The following ASTN1 variants were observed in gnomAD, a reference collection of about 807,000 sequenced individuals.
ASTN1 encodes the protein astrotactin 1.
A neutral mutation model predicts 140.7 loss-of-function variants in ASTN1; 41 were observed. That is an observed-to-expected ratio of 0.29 (90% CI 0.23 to 0.38). The LOEUF (loss-of-function observed/expected upper bound fraction) is 0.38. ASTN1 is among the 10% of genes least tolerant of loss of function. The probability of loss-of-function intolerance (pLI) is 1.00; values close to 1 mark genes in which losing one functional copy is unlikely to be tolerated. For missense variants in ASTN1, 1,479 were observed against 1,678.8 expected (o/e 0.88, Z 2.08); for synonymous variants, 640 against 652.2 (o/e 0.98, Z 0.29).
At chr1:177,025,801 A>G (rs1676079496) in intron 5 of ASTN1, among the ~76,000 whole-genome samples, 1 of 152,200 alleles carries the variant, frequency 6.6e-6, no homozygotes, top group Admixed American at 6.5e-5. Flanking sequence ...CCTTGTGGCA[A>G]TTAACACTTA....
chr1:177,135,613 G>A (rs991430455), intron 1 of ASTN1, among the ~76,000 whole-genome samples: 12 of 152,246 alleles, frequency 7.9e-5, no homozygotes, highest in Admixed American at 1.3e-4. Context: ...TGGGGGGTAC[G>A]GGAAGAGGGG....
intron 1 of ASTN1, among the ~76,000 whole-genome samples, chr1:177,116,108 C>T (rs1681079542): frequency 1.3e-5 from 2 of 152,104 alleles, no homozygotes; most frequent in Admixed American, 1.3e-4. Context: ...AAGTTCTCAT[C>T]CCATCTGACC....
At chr1:176,898,867 AAAAT>A (rs1180698788) in intron 16 of ASTN1, among the ~76,000 whole-genome samples, 1 of 152,224 alleles carries the variant, frequency 6.6e-6, no homozygotes, top group African/African-American at 2.4e-5. Context: ...GTCTTTTAGC[AAAAT>A]AAATATTCTA....
At chr1:176,971,452 G>C (rs1673136364) in intron 8 of ASTN1, among the ~76,000 whole-genome samples, 2 of 152,158 alleles carry the variant, frequency 1.3e-5, no homozygotes, top group East Asian at 1.9e-4. Flanking sequence ...GTTTACAAAG[G>C]ATGCTATAGG....
chr1:177,079,433 C>T (rs528998763), intron 1 of ASTN1, among the ~76,000 whole-genome samples: 1 of 152,244 alleles, frequency 6.6e-6, no homozygotes, highest in Admixed American at 6.5e-5. Flanking sequence ...AAGTTTCCTG[C>T]TCAAGAACTT....
intron 1 of ASTN1, among the ~76,000 whole-genome samples, chr1:177,094,264 G>A (rs1311976602): frequency 6.6e-6 from 1 of 152,172 alleles, no homozygotes; most frequent in Admixed American, 6.6e-5. Context: ...CTCAAACTCA[G>A]ATCTGTCTAA....
intron 1 of ASTN1, among the ~76,000 whole-genome samples, chr1:177,122,509 C>T (rs1014078951): frequency 1.3e-5 from 2 of 152,068 alleles, no homozygotes; most frequent in Non-Finnish European, 2.9e-5. Context: ...TTTTAAGAAG[C>T]CAAATGGGGA....
intron 5 of ASTN1, chr1:177,029,218 A>G: frequency 2.3e-6 from 1 of 432,042 alleles, no homozygotes; most frequent in East Asian, 7.1e-5. Context: ...CACTGCCCCC[A>G]ATCCTTGCCT....
At chr1:176,990,956 G>A (rs931642851) in intron 8 of ASTN1, among the ~76,000 whole-genome samples, 1 of 152,124 alleles carries the variant, frequency 6.6e-6, no homozygotes, top group African/African-American at 2.4e-5. Flanking sequence ...TCTCATTTAA[G>A]TATGTTTAAT....
intron 1 of ASTN1, among the ~76,000 whole-genome samples, chr1:177,123,946 G>C (rs1405217653): frequency 1.3e-5 from 2 of 152,158 alleles, no homozygotes; most frequent in Admixed American, 1.3e-4. Flanking sequence ...TCTTGCCCAG[G>C]AGGAGGACTG....
chr1:177,124,710 A>G (rs1400100003), intron 1 of ASTN1, among the ~76,000 whole-genome samples: 6 of 152,222 alleles, frequency 3.9e-5, no homozygotes, highest in African/African-American at 1.2e-4. Flanking sequence ...TTTATTATCA[A>G]TTAGTAGGTC....
chr1:177,082,869 A>C (rs551973808), intron 1 of ASTN1, among the ~76,000 whole-genome samples: 1 of 152,164 alleles, frequency 6.6e-6, no homozygotes, highest in Non-Finnish European at 1.5e-5. Context: ...TTCATGGGCT[A>C]TATCTCCATT....
intron 7 of ASTN1, among the ~76,000 whole-genome samples, chr1:177,018,857 C>T (rs1051314681): frequency 1.1e-4 from 16 of 152,234 alleles, no homozygotes; most frequent in African/African-American, 3.6e-4. Flanking sequence ...CAACCTCTGG[C>T]TGGATCCAGG....
chr1:177,088,017 T>C (rs957636360), intron 1 of ASTN1, among the ~76,000 whole-genome samples: 2 of 152,232 alleles, frequency 1.3e-5, no homozygotes, highest in African/African-American at 4.8e-5. Flanking sequence ...TTTGGATTAA[T>C]GAAGTTGTGT....
chr1:176,915,826 T>A (rs1670455832), intron 16 of ASTN1, among the ~76,000 whole-genome samples: 1 of 152,200 alleles, frequency 6.6e-6, no homozygotes, highest in Non-Finnish European at 1.5e-5. Flanking sequence ...AGGCTAGTGC[T>A]TGCAGTCACT....
intron 1 of ASTN1, among the ~76,000 whole-genome samples, chr1:177,141,402 T>G (rs774052416): frequency 2.0e-5 from 3 of 152,142 alleles, no homozygotes; most frequent in African/African-American, 7.2e-5. Context: ...TAAGGTAGCA[T>G]GCTGGTCTCT....
rs56405518 is a variant in ASTN1, at chr1:177,027,713, A to AGTGTGTGTGT, written c.1120+1911_1120+1920dup. On this transcript the variant is annotated intron_variant, in intron 5 of 22. Coordinates refer to ENST00000361833, the MANE Select transcript of ASTN1 (RefSeq NM_004319.3). ...TCTCCTCTTTTGAGAAACCCAGTACAGTGTGTGTGTGTGTGTGTGTGTGTG... is the reference window on the plus strand; with the variant it reads ...TCTCCTCTTTTGAGAAACCCAGTACAGTGTGTGTGTGTGTGTGTGTGTGTGTGTGTGTGTG... Among the ~76,000 whole-genome samples, 227 of 118,594 alleles carry AGTGTGTGTGT rather than the reference A, an allele frequency of 1.9e-3. 1 individual carries two copies. Among genetic ancestry groups the AGTGTGTGTGT allele is most frequent in the South Asian group, 3.4e-3 (10 of 2,966 alleles). The allele number at this position is 118,594 out of a possible 152,430, so 77.8% of individuals were successfully genotyped here.
intron 1 of ASTN1, among the ~76,000 whole-genome samples, chr1:177,098,171 G>T (rs1055222125): frequency 6.6e-6 from 1 of 152,122 alleles, no homozygotes; most frequent in South Asian, 2.1e-4. Context: ...TGCCATTGGC[G>T]TCTGAAGGGG....
At chr1:177,104,000 T>C (rs1443368112) in intron 1 of ASTN1, among the ~76,000 whole-genome samples, 2 of 152,128 alleles carry the variant, frequency 1.3e-5, no homozygotes, top group Non-Finnish European at 2.9e-5. Flanking sequence ...TTAAAGGGTA[T>C]GGCCTGGCGT....
Sources: gnomAD v4.1 joint callset for allele counts (sites outside exome capture counted in the v4.1 genomes callset) on GRCh38, gnomAD v4.1.1 for gene constraint, MANE v1.5 for transcripts, NCBI Gene and HGNC (gene_info 2026-07-23, HGNC 2026-07-21) for gene names.